Variants in PKD1L1 observed in about 807,000 individuals in gnomAD.
The protein encoded by PKD1L1 is polycystin-1-like protein 1.
PKD1L1 carries 236 observed loss-of-function variants against 323.4 expected under a neutral mutation model. That is an observed-to-expected ratio of 0.73 (90% CI 0.66 to 0.81). PKD1L1 has a LOEUF of 0.81. PKD1L1 is among the 40% of genes least tolerant of loss of function. The pLI, the probability that PKD1L1 is intolerant of heterozygous loss-of-function variation, is 0.00. For missense variants in PKD1L1, 3,320 were observed against 3,508.0 expected, an observed-to-expected ratio of 0.95 and a Z score of 1.35; for synonymous variants, 1,344 against 1,335.0, an observed-to-expected ratio of 1.01 and a Z score of -0.15.
intron 21 of PKD1L1, among the ~76,000 whole-genome samples, chr7:47,879,704 C>T (rs1467475637): frequency 2.8e-5 from 4 of 143,264 alleles, no homozygotes; most frequent in South Asian, 2.2e-4. Context: ...GAGGCTGAGA[C>T]GGGCAGATCA....
At chr7:47,788,766 G>GT (rs1464253681) in intron 56 of PKD1L1, among the ~76,000 whole-genome samples, 1 of 150,946 alleles carries the variant, frequency 6.6e-6, no homozygotes, top group Non-Finnish European at 1.5e-5. Flanking sequence ...CGGCTAATTT[G>GT]TTTTGTATTT....
At chr7:47,832,708 G>T (rs1785372596) in intron 41 of PKD1L1, among the ~76,000 whole-genome samples, 1 of 152,220 alleles carries the variant, frequency 6.6e-6, no homozygotes, top group African/African-American at 2.4e-5. Flanking sequence ...CACAGCCCTG[G>T]TTGTTCTAGG....
At chr7:47,878,383 G>C (rs1196884986) in intron 21 of PKD1L1, among the ~76,000 whole-genome samples, 3 of 152,138 alleles carry the variant, frequency 2.0e-5, no homozygotes, top group Non-Finnish European at 4.4e-5. Context: ...AATGTTTAAT[G>C]TATTTGTCTT....
chr7:47,812,138 G>T, intron 49 of PKD1L1, 87 bp from the exon 50 acceptor site: 1 of 1,108,416 alleles, frequency 9.0e-7, no homozygotes, highest in Non-Finnish European at 1.3e-6. Flanking sequence ...GTCCCATGCT[G>T]GGAACACCCT....
intron 36 of PKD1L1, among the ~76,000 whole-genome samples, chr7:47,837,420 C>T (rs530696596): frequency 1.2e-4 from 18 of 152,314 alleles, no homozygotes; most frequent in Admixed American, 9.8e-4. Context: ...ACTGCTATCA[C>T]GCTGGACTCT....
At chr7:47,918,056 A>G (rs1207392252) in intron 7 of PKD1L1, among the ~76,000 whole-genome samples, 1 of 152,184 alleles carries the variant, frequency 6.6e-6, no homozygotes, top group African/African-American at 2.4e-5. Context: ...ATGGATAAGA[A>G]TTCACCAACC....
intron 16 of PKD1L1, among the ~76,000 whole-genome samples, chr7:47,889,495 A>T (rs919858695): frequency 1.3e-5 from 2 of 152,168 alleles, no homozygotes; most frequent in African/African-American, 2.4e-5. Flanking sequence ...CTCCCTGGGC[A>T]GTGCTGTATG....
chr7:47,782,558 C>A (rs1786721774), intron 56 of PKD1L1, among the ~76,000 whole-genome samples: 1 of 152,154 alleles, frequency 6.6e-6, no homozygotes, highest in Admixed American at 6.5e-5. Flanking sequence ...CCCTACAGTC[C>A]CAGAGATTTG....
In PKD1L1 at chr7:47,876,206, A is replaced by G; in HGVS notation, c.3675T>C (p.Tyr1225=). Reference sequence around the variant, plus strand: ...TGTTTCCTATCTGGTAACTAAATTCATAATGGAAGTCCTATGATCCAGTCC... The same window carrying G: ...TGTTTCCTATCTGGTAACTAAATTCGTAATGGAAGTCCTATGATCCAGTCC... The part of the protein sequence containing the change: ...FCMSGKPDFH[Y]EFSYQIGNTS... Residue 1225 remains tyrosine (Y), a synonymous_variant, in exon 23 of 57, where the codon TAT becomes TAC. Coordinates refer to ENST00000289672, the MANE Select transcript of PKD1L1 (RefSeq NM_138295.5). 6.2e-7 allele frequency: 1 copy of G among 1,614,046 alleles called. No individual in the cohort carries two copies. The highest frequency in any genetic ancestry group is 8.5e-7 in the Non-Finnish European group (1 of 1,179,902).
intron 50 of PKD1L1, among the ~76,000 whole-genome samples, chr7:47,811,393 G>A (rs1784891386): frequency 6.6e-6 from 1 of 152,220 alleles, no homozygotes; most frequent in Admixed American, 6.5e-5. Flanking sequence ...CTGACCTTGT[G>A]ATCCGCCCAC....
intron 14 of PKD1L1, among the ~76,000 whole-genome samples, chr7:47,894,972 T>G (rs1457607268): frequency 6.6e-6 from 1 of 152,220 alleles, no homozygotes; most frequent in Non-Finnish European, 1.5e-5. Flanking sequence ...AGTTCCCTGC[T>G]GATCAGTCTC....
intron 3 of PKD1L1, among the ~76,000 whole-genome samples, chr7:47,939,661 T>C (rs901566100): frequency 1.3e-5 from 2 of 152,148 alleles, no homozygotes; most frequent in Non-Finnish European, 2.9e-5. Context: ...TCTTAATTAA[T>C]AGGGGTCTTC....
chr7:47,808,775 G>A (rs1392357171), intron 51 of PKD1L1, among the ~76,000 whole-genome samples: 5 of 152,194 alleles, frequency 3.3e-5, no homozygotes, highest in African/African-American at 7.2e-5. Context: ...CAGCACTTAC[G>A]ATGAATGGCA....
intron 31 of PKD1L1, among the ~76,000 whole-genome samples, chr7:47,849,436 T>G (rs1226367002): frequency 6.6e-6 from 1 of 152,152 alleles, no homozygotes. Context: ...AGAAAAAATT[T>G]GCAAACTATG....
At chr7:47,881,684 G>A (rs12536468) in intron 20 of PKD1L1, among the ~76,000 whole-genome samples, 12 of 151,926 alleles carry the variant, frequency 7.9e-5, no homozygotes, top group Non-Finnish European at 1.2e-4. Flanking sequence ...CCCCTCTTCC[G>A]CTTTGGTCTA....
At chr7:47,853,404 T>C (rs1785824684) in intron 30 of PKD1L1, among the ~76,000 whole-genome samples, 177 bp from the exon 31 acceptor site, 1 of 152,132 alleles carries the variant, frequency 6.6e-6, no homozygotes. Flanking sequence ...CCTGGTCTCT[T>C]AGTAAAAACT....
At chr7:47,927,383 A>G (rs1244374572) in intron 7 of PKD1L1, among the ~76,000 whole-genome samples, 1 of 152,086 alleles carries the variant, frequency 6.6e-6, no homozygotes, top group Non-Finnish European at 1.5e-5. Context: ...GGTTCAAGCA[A>G]TTCTCCTGCC....
In PKD1L1 at chr7:47,774,966, A is replaced by G. The variant is rs749888530; in HGVS notation, c.*177T>C. ...TATGAGTAACAGTCTGATGACAGATAAACCTTGATTTTCATCCTGGTTTCC... is the reference window on the plus strand; with the variant it reads ...TATGAGTAACAGTCTGATGACAGATGAACCTTGATTTTCATCCTGGTTTCC... On this transcript the variant is annotated 3_prime_UTR_variant, in exon 57 of 57. Coordinates refer to ENST00000289672, the MANE Select transcript of PKD1L1 (RefSeq NM_138295.5). 161 of 687,978 alleles carry G rather than the reference A, an allele frequency of 2.3e-4. No individual in the cohort carries two copies. The highest frequency in any genetic ancestry group is 3.8e-4 in the Non-Finnish European group (147 of 387,518). The allele number at this position is 687,978 out of a possible 1,614,324, so 42.6% of individuals were successfully genotyped here.
chr7:47,905,813 G>A, intron 10 of PKD1L1, 30 bp downstream of exon 10: 1 of 1,609,360 alleles, frequency 6.2e-7, no homozygotes, highest in Non-Finnish European at 8.5e-7. Context: ...GGAGGTTTTT[G>A]TTAAATCTGG....
Sources: gnomAD v4.1 joint callset for allele counts (sites outside exome capture counted in the v4.1 genomes callset) on GRCh38, gnomAD v4.1.1 for gene constraint, MANE v1.5 for transcripts, NCBI Gene and HGNC (gene_info 2026-07-23, HGNC 2026-07-21) for gene names.